CHP1: variants seen among roughly 807,000 people sequenced by gnomAD.
CHP1 encodes calcineurin B homologous protein 1.
A neutral mutation model predicts 27.4 loss-of-function variants in CHP1; 11 were observed. That is an observed-to-expected ratio of 0.40 (90% CI 0.25 to 0.67). The LOEUF (loss-of-function observed/expected upper bound fraction) is 0.67. Among genes scored for constraint, CHP1 ranks in the 30% least tolerant of loss-of-function variants. CHP1 has a pLI of 0.38. For synonymous variants in CHP1, 89 were observed against 87.4 expected, an observed-to-expected ratio of 1.02 and a Z score of -0.10; for missense variants, 169 against 251.3, an observed-to-expected ratio of 0.67 and a Z score of 2.22.
intron 3 of CHP1, among the ~76,000 whole-genome samples, chr15:41,257,824 T>C (rs1285090766): frequency 6.6e-6 from 1 of 152,224 alleles, no homozygotes; most frequent in Non-Finnish European, 1.5e-5. Flanking sequence ...CCTCCCAAAG[T>C]ACTGGGATTA....
intron 5 of CHP1, 82 bp downstream of exon 5, chr15:41,270,700 A>C (rs1180059360): frequency 8.9e-7 from 1 of 1,125,432 alleles, no homozygotes; most frequent in East Asian, 2.3e-5. Flanking sequence ...TTCCTTTAGT[A>C]AGCATTTATT....
At chr15:41,279,018 C>A in intron 6 of CHP1, 129 bp downstream of exon 6, 1 of 1,167,526 alleles carries the variant, frequency 8.6e-7, no homozygotes, top group Non-Finnish European at 1.2e-6. Flanking sequence ...CAAGACCAGC[C>A]TGGCTAACAT....
At chr15:41,255,058 G>T (rs1178758520) in intron 2 of CHP1, among the ~76,000 whole-genome samples, 1 of 152,112 alleles carries the variant, frequency 6.6e-6, no homozygotes, top group Non-Finnish European at 1.5e-5. Flanking sequence ...CCTATAGAAA[G>T]GACATTCTCA....
intron 4 of CHP1, among the ~76,000 whole-genome samples, chr15:41,267,919 C>T (rs2047469760): frequency 7.1e-6 from 1 of 139,984 alleles, no homozygotes; most frequent in Admixed American, 7.1e-5. Flanking sequence ...CAGAGTGAGG[C>T]CCTATCTCTT....
chr15:41,270,692 C>A, intron 5 of CHP1, 74 bp downstream of exon 5: 3 of 1,173,696 alleles, frequency 2.6e-6, no homozygotes, highest in Non-Finnish European at 2.5e-6. Flanking sequence ...ACTATTCTTT[C>A]CTTTAGTAAG....
At chr15:41,248,978 CTCCTCT>C (rs2047349961) in intron 2 of CHP1, among the ~76,000 whole-genome samples, 1 of 152,134 alleles carries the variant, frequency 6.6e-6, no homozygotes. Flanking sequence ...TCTCAGCCCT[CTCCTCT>C]TCTACCCCCT....
At chr15:41,249,768 G>A (rs552851046) in intron 2 of CHP1, among the ~76,000 whole-genome samples, 3 of 151,950 alleles carry the variant, frequency 2.0e-5, no homozygotes, top group East Asian at 1.9e-4. Flanking sequence ...CACTGCGCCC[G>A]GCCTCGCCTT....
intron 1 of CHP1, 29 bp downstream of exon 1, chr15:41,231,478 G>C: frequency 6.3e-7 from 1 of 1,581,688 alleles, no homozygotes; most frequent in Non-Finnish European, 8.6e-7. Flanking sequence ...TGGGAACGCC[G>C]GGCGCCTCAG....
chr15:41,253,427 T>G (rs932588680), intron 2 of CHP1, among the ~76,000 whole-genome samples: 5 of 28,538 alleles, frequency 1.8e-4, no homozygotes, highest in Admixed American at 3.1e-4. Context: ...GACAAAGTAT[T>G]TATTTATTTA....
chr15:41,236,857 CTT>C (rs1241618209), intron 1 of CHP1, among the ~76,000 whole-genome samples: 1 of 143,716 alleles, frequency 7.0e-6, no homozygotes, highest in Non-Finnish European at 1.5e-5. Flanking sequence ...GAGACAGAGT[CTT>C]GCTCTTGTTG....
At chr15:41,276,056 C>T (rs2047518154) in intron 5 of CHP1, among the ~76,000 whole-genome samples, 1 of 152,082 alleles carries the variant, frequency 6.6e-6, no homozygotes, top group African/African-American at 2.4e-5. Context: ...GCCTGACCAA[C>T]ATGGCAAAAT....
intron 5 of CHP1, among the ~76,000 whole-genome samples, chr15:41,274,043 C>G (rs1415860871): frequency 6.6e-6 from 1 of 151,928 alleles, no homozygotes; most frequent in Non-Finnish European, 1.5e-5. Context: ...TCACTGCAAC[C>G]TCCGCCTCCC....
intron 1 of CHP1, among the ~76,000 whole-genome samples, chr15:41,232,261 A>C (rs1217548053): frequency 1.5e-5 from 2 of 135,150 alleles, no homozygotes; most frequent in Admixed American, 8.4e-5. Flanking sequence ...ACCAGGCTGG[A>C]GTGCAGTGGC....
intron 2 of CHP1, among the ~76,000 whole-genome samples, chr15:41,247,575 G>A (rs188097258): frequency 2.0e-5 from 3 of 152,266 alleles, no homozygotes; most frequent in African/African-American, 7.2e-5. Context: ...GGGAGGCTGA[G>A]GCAGGAGAAT....
intron 5 of CHP1, among the ~76,000 whole-genome samples, chr15:41,277,609 G>A (rs946782811): frequency 3.3e-5 from 5 of 152,106 alleles, no homozygotes; most frequent in African/African-American, 1.2e-4. Flanking sequence ...CCAACATGGC[G>A]AAACCCCATC....
chr15:41,237,199 T>C (rs558379979), intron 1 of CHP1, among the ~76,000 whole-genome samples: 2 of 150,344 alleles, frequency 1.3e-5, no homozygotes, highest in South Asian at 4.2e-4. Context: ...CAGGCTGGAG[T>C]GCAGTGGCGC....
At chr15:41,279,285 AGTGTT>A (rs1287268079) in intron 6 of CHP1, 46 bp from the exon 7 acceptor site, 2 of 1,365,188 alleles carry the variant, frequency 1.5e-6, no homozygotes, top group Non-Finnish European at 2.1e-6. Flanking sequence ...AGAGCTTGGG[AGTGTT>A]GTAATCTTCA....
chr15:41,249,919 A>G (rs955896927), intron 2 of CHP1, among the ~76,000 whole-genome samples: 11 of 151,070 alleles, frequency 7.3e-5, no homozygotes, highest in African/African-American at 2.7e-4. Context: ...GCTACAGTGT[A>G]CAGTCTGGGG....
chr15:41,248,751 AAAAAAT>A (rs2047349011), intron 2 of CHP1, among the ~76,000 whole-genome samples: 1 of 152,168 alleles, frequency 6.6e-6, no homozygotes, highest in African/African-American at 2.4e-5. Flanking sequence ...CCGTCTCTAC[AAAAAAT>A]AAAAATAAAT....
Sources: gnomAD v4.1 joint callset for allele counts (sites outside exome capture counted in the v4.1 genomes callset) on GRCh38, gnomAD v4.1.1 for gene constraint, MANE v1.5 for transcripts, NCBI Gene and HGNC (gene_info 2026-07-23, HGNC 2026-07-21) for gene names.